The following MMP16 variants were observed in gnomAD, a reference collection of about 807,000 sequenced individuals.
MMP16 encodes the protein matrix metallopeptidase 16, also known as matrix metalloproteinase-16.
In MMP16, 12 loss-of-function variants were observed where a neutral mutation model predicts 67.8. The observed-to-expected ratio is 0.18, with a 90% CI of 0.11 to 0.29. MMP16 has a LOEUF of 0.29. MMP16 is among the 10% of genes least tolerant of loss of function. The pLI is 1.00. For missense variants in MMP16, 475 were observed against 765.7 expected, an observed-to-expected ratio of 0.62 and a Z score of 4.48; for synonymous variants, 249 against 255.9, an observed-to-expected ratio of 0.97 and a Z score of 0.26.
At position 88,283,963 on chromosome 8, in the gene MMP16, T is replaced by A. The variant is rs1405933394; in HGVS notation, c.132+43112A>T. Among the ~76,000 whole-genome samples, 4 of 152,192 alleles carry A rather than the reference T, an allele frequency of 2.6e-5. No individual in the cohort carries two copies. The East Asian group carries it at 7.7e-4, about 29-fold the overall frequency. ...GTGCTAAAAGTTCTATATTTGAGCA[T>A]TGAATAAATGTTGAAACAACTGGTG... On this transcript the variant is annotated intron_variant, in intron 1 of 9. Coordinates refer to ENST00000286614, the MANE Select transcript of MMP16 (RefSeq NM_005941.5).
chr8:88,204,325 T>C (rs1223423271), intron 1 of MMP16, among the ~76,000 whole-genome samples: 1 of 152,196 alleles, frequency 6.6e-6, no homozygotes, highest in East Asian at 1.9e-4. Flanking sequence ...AGGCTCATGA[T>C]TTATAACCAG....
intron 1 of MMP16, among the ~76,000 whole-genome samples, chr8:88,283,487 C>T (rs958251322): frequency 2.6e-5 from 4 of 152,086 alleles, no homozygotes; most frequent in Non-Finnish European, 4.4e-5. Context: ...TTAAATGACA[C>T]GATAGGCATA....
chr8:88,219,914 TTTC>T lies in MMP16; in HGVS notation c.133-22611_133-22609del, dbSNP rs145395543. Among the ~76,000 whole-genome samples, 1,352 of 152,248 alleles carry T rather than the reference TTTC, an allele frequency of 8.9e-3. 18 individuals are homozygous for T. Among genetic ancestry groups the T allele is most frequent in the African/African-American group, 0.031 (1,289 of 41,560 alleles). On this transcript the variant is annotated intron_variant, in intron 1 of 9. Transcript: ENST00000286614. ...AAAACAGTCTTTTCATTTTTTTAAATTTCTTCTTATGAAAAATTTCAAAGACAA... is the reference window on the plus strand; with the variant it reads ...AAAACAGTCTTTTCATTTTTTTAAATTTCTTATGAAAAATTTCAAAGACAA...
intron 1 of MMP16, among the ~76,000 whole-genome samples, chr8:88,259,065 T>C (rs1810347831): frequency 6.6e-6 from 1 of 152,092 alleles, no homozygotes; most frequent in African/African-American, 2.4e-5. Context: ...ACATTACAGA[T>C]GAAGAAAATG....
At chr8:88,114,631 T>C (rs1001839245) in intron 6 of MMP16, among the ~76,000 whole-genome samples, 1 of 151,846 alleles carries the variant, frequency 6.6e-6, no homozygotes, top group Non-Finnish European at 1.5e-5. Context: ...TCTAGGCAAA[T>C]GGATATTACA....
intron 9 of MMP16, 83 bp downstream of exon 9, chr8:88,046,586 T>G (rs1808202033): frequency 1.2e-6 from 1 of 806,140 alleles, no homozygotes; most frequent in Admixed American, 2.9e-5. Context: ...CACTTTCCAA[T>G]GGCTTAATTT....
chr8:88,078,780 A>G (rs1354605905), intron 6 of MMP16, among the ~76,000 whole-genome samples: 1 of 152,192 alleles, frequency 6.6e-6, no homozygotes, highest in Non-Finnish European at 1.5e-5. Flanking sequence ...ATTCATACCA[A>G]CAACTTTCCA....
chr8:88,268,041 T>G (rs995157028), intron 1 of MMP16, among the ~76,000 whole-genome samples: 2 of 152,236 alleles, frequency 1.3e-5, no homozygotes, highest in East Asian at 3.9e-4. Context: ...GAACAACAGA[T>G]TTACCATAAA....
At position 88,198,671 on chromosome 8, in the gene MMP16, C is replaced by T. The variant is rs891925544; in HGVS notation, c.133-1365G>A. ...CATGGTATTTCCAAAAACTGACCAC[C>T]TCAAAAGAACAGTACCATAAGCACA... On this transcript the variant is annotated intron_variant, in intron 1 of 9. Coordinates refer to ENST00000286614, the MANE Select transcript of MMP16 (RefSeq NM_005941.5). Among the ~76,000 whole-genome samples the T allele has an allele frequency of 2.6e-5, 4 of 151,876 alleles. No individual in the cohort carries two copies. The South Asian group carries it at 8.3e-4, about 32-fold the overall frequency.
intron 4 of MMP16, among the ~76,000 whole-genome samples, chr8:88,130,799 G>C (rs1678841802): frequency 6.6e-6 from 1 of 150,764 alleles, no homozygotes; most frequent in African/African-American, 2.4e-5. Flanking sequence ...TGGTTTGTAA[G>C]TAGAGCAATG....
At chr8:88,208,957 T>C (rs1467380785) in intron 1 of MMP16, among the ~76,000 whole-genome samples, 1 of 151,658 alleles carries the variant, frequency 6.6e-6, no homozygotes, top group Non-Finnish European at 1.5e-5. Context: ...TAGCGATGAG[T>C]GCATCTGAAC....
chr8:88,203,676 G>GA (rs1809379835), intron 1 of MMP16, among the ~76,000 whole-genome samples: 1 of 152,078 alleles, frequency 6.6e-6, no homozygotes, highest in African/African-American at 2.4e-5. Flanking sequence ...TCATCTTACA[G>GA]AAAAGAAATT....
intron 1 of MMP16, among the ~76,000 whole-genome samples, chr8:88,281,122 A>G (rs1395599101): frequency 6.6e-6 from 1 of 152,198 alleles, no homozygotes; most frequent in Non-Finnish European, 1.5e-5. Context: ...TTGCAATTCC[A>G]AATTTTCCCT....
At chr8:88,243,018 G>A (rs1810056445) in intron 1 of MMP16, among the ~76,000 whole-genome samples, 1 of 152,080 alleles carries the variant, frequency 6.6e-6, no homozygotes, top group Non-Finnish European at 1.5e-5. Flanking sequence ...AAAAAGAAAT[G>A]CCCTATAATC....
At chr8:88,141,922 T>C (rs1406796028) in intron 4 of MMP16, among the ~76,000 whole-genome samples, 1 of 151,872 alleles carries the variant, frequency 6.6e-6, no homozygotes. Flanking sequence ...TAAATATGTT[T>C]TTTTTTTTTT....
chr8:88,160,748 A>G (rs1586182428), intron 4 of MMP16, among the ~76,000 whole-genome samples: 1 of 152,118 alleles, frequency 6.6e-6, no homozygotes, highest in Non-Finnish European at 1.5e-5. Flanking sequence ...ATCTAGAACT[A>G]GAAATACCAT....
chr8:88,148,903 T>A (rs1808342843), intron 4 of MMP16, among the ~76,000 whole-genome samples: 1 of 152,058 alleles, frequency 6.6e-6, no homozygotes, highest in Non-Finnish European at 1.5e-5. Flanking sequence ...GCTCCCAGCG[T>A]GAGCGACGCA....
intron 6 of MMP16, among the ~76,000 whole-genome samples, chr8:88,114,148 T>C (rs1384957319): frequency 6.6e-6 from 1 of 151,954 alleles, no homozygotes; most frequent in African/African-American, 2.4e-5. Context: ...CACATAATGG[T>C]TATCCAATCT....
chr8:88,139,711 A>T lies in MMP16; in HGVS notation c.710-20850T>A, dbSNP rs541278724. On this transcript the variant is annotated intron_variant, in intron 4 of 9. Coordinates refer to ENST00000286614, the MANE Select transcript of MMP16 (RefSeq NM_005941.5). ...AATAAATATAATGTTAATGTTAATT[A>T]AAAAATTGGCCATGTTTCAATTAGT... 3.0e-4 allele frequency among the ~76,000 whole-genome samples: 46 copies of T among 152,256 alleles called. No homozygotes were observed. In the South Asian group the frequency reaches 8.5e-3, roughly 28 times the overall value.
Sources: gnomAD v4.1 joint callset for allele counts (sites outside exome capture counted in the v4.1 genomes callset) on GRCh38, gnomAD v4.1.1 for gene constraint, MANE v1.5 for transcripts, NCBI Gene and HGNC (gene_info 2026-07-23, HGNC 2026-07-21) for gene names.